Variants in NFATC1 observed in about 807,000 individuals in gnomAD.
The protein encoded by NFATC1 is nuclear factor of activated T cells 1.
A neutral mutation model predicts 76.0 loss-of-function variants in NFATC1; 22 were observed. The observed-to-expected ratio is 0.29, with a 90% CI of 0.21 to 0.41. The LOEUF (loss-of-function observed/expected upper bound fraction) is 0.41. Ranked by LOEUF, NFATC1 falls within the 10% of genes least tolerant of loss-of-function variation. NFATC1 has a pLI of 1.00. For missense variants in NFATC1, 1,357 were observed against 1,337.7 expected (o/e 1.01, Z -0.23); for synonymous variants, 704 against 613.1 (o/e 1.15, Z -2.19).
chr18:79,461,476 T>C (rs2088092580), intron 7 of NFATC1, 110 bp downstream of exon 7: 42 of 683,018 alleles, frequency 6.1e-5, no homozygotes, highest in Non-Finnish European at 7.8e-5. Flanking sequence ...GGGGTTCCTG[T>C]TTCTTAGAAT....
intron 1 of NFATC1, among the ~76,000 whole-genome samples, chr18:79,399,940 C>T (rs1405391864): frequency 3.9e-5 from 6 of 152,040 alleles, no homozygotes; most frequent in Non-Finnish European, 7.4e-5. Context: ...CAGCCGCTTT[C>T]CCGAGGAGGC....
At chr18:79,486,044 C>T (rs932633951) in intron 8 of NFATC1, among the ~76,000 whole-genome samples, 1 of 152,200 alleles carries the variant, frequency 6.6e-6, no homozygotes, top group Non-Finnish European at 1.5e-5. Context: ...GGAAAACAGT[C>T]CTCGCCAGTA....
chr18:79,407,053 G>C (rs2085467736), intron 1 of NFATC1, among the ~76,000 whole-genome samples: 1 of 152,248 alleles, frequency 6.6e-6, no homozygotes, highest in Admixed American at 6.5e-5. Context: ...GGAGCTCTCA[G>C]AGGGCTACAG....
intron 3 of NFATC1, among the ~76,000 whole-genome samples, chr18:79,444,681 G>A (rs555790407): frequency 1.3e-5 from 2 of 151,606 alleles, no homozygotes; most frequent in African/African-American, 2.4e-5. Flanking sequence ...GGGCACCCAC[G>A]TGCCCGACCC....
chr18:79,425,041 CTCTCCG>C lies in NFATC1; in HGVS notation c.1227-8533_1227-8528del, dbSNP rs1568944216. On this transcript the variant is annotated intron_variant, in intron 2 of 9. Transcript: ENST00000427363. ...TCTGTCTCCATCTCTCTCCATCTCT[CTCTCCG>C]TCTCTGTTTCTCTCTCTGTTTCTCT... Among the ~76,000 whole-genome samples the C allele has an allele frequency of 1.7e-3, 246 of 147,894 alleles. 3 individuals carry two copies. Among genetic ancestry groups the C allele is most frequent in the Admixed American group, 7.8e-3 (117 of 15,080 alleles).
intron 2 of NFATC1, among the ~76,000 whole-genome samples, chr18:79,430,590 C>T (rs1237553891): frequency 6.6e-6 from 1 of 152,224 alleles, no homozygotes; most frequent in Non-Finnish European, 1.5e-5. Context: ...ACCCTGTTGG[C>T]CAGGATGGTC....
At position 79,411,187 on chromosome 18, in the gene NFATC1, C is replaced by T; in HGVS notation, c.912C>T (p.Thr304=). 1 of 1,611,372 alleles carries T rather than the reference C, an allele frequency of 6.2e-7. No homozygotes were observed. Among genetic ancestry groups the T allele is most frequent in the East Asian group, 2.2e-5 (1 of 44,864 alleles). The change falls in exon 2 of 10, where the codon ACC becomes ACT. Residue 304 remains threonine, a synonymous_variant. Transcript: ENST00000427363. ...SVTDDSWLGN[T]TQYTSSAIVA... is the part of the protein sequence containing the mutation. ...CCGACGACTCGTGGTTGGGCAACAC[C>T]ACCCAGTACACCAGCTCGGCCATCG...
At chr18:79,447,796 C>T (rs962296204) in intron 3 of NFATC1, among the ~76,000 whole-genome samples, 2 of 152,216 alleles carry the variant, frequency 1.3e-5, no homozygotes, top group South Asian at 2.1e-4. Flanking sequence ...TAAATGGTAG[C>T]GTTAAAGATA....
At chr18:79,414,611 A>G (rs2085813047) in intron 2 of NFATC1, among the ~76,000 whole-genome samples, 1 of 152,210 alleles carries the variant, frequency 6.6e-6, no homozygotes. Context: ...TGATAGTTTT[A>G]GAGTTTGGAG....
chr18:79,487,595 G>T (rs1178792566), intron 9 of NFATC1, among the ~76,000 whole-genome samples: 1 of 152,242 alleles, frequency 6.6e-6, no homozygotes, highest in African/African-American at 2.4e-5. Context: ...GTGGCCTCAC[G>T]TCTGTAGCCA....
rs141394889 is a variant in NFATC1 at position 79,523,273 on chromosome 18, G to T, written c.2783-4255G>T. On this transcript the variant is annotated intron_variant, in intron 9 of 9. Coordinates refer to ENST00000427363, the MANE Select transcript of NFATC1 (RefSeq NM_001278669.2). ...GTTGCTTCCAAGCCAGGCAGCAAGG[G>T]GGCAAAATATATCAAACAGCGTTCA... Among the ~76,000 whole-genome samples the T allele has an allele frequency of 3.1e-3, 476 of 152,326 alleles. 2 individuals are homozygous for T. Among genetic ancestry groups the T allele is most frequent in the African/African-American group, 0.011 (440 of 41,580 alleles).
At chr18:79,484,649 G>A (rs762072914) in intron 8 of NFATC1, among the ~76,000 whole-genome samples, 1 of 152,206 alleles carries the variant, frequency 6.6e-6, no homozygotes, top group Admixed American at 6.5e-5. Flanking sequence ...CAGCACAAAA[G>A]CAACAAAATG....
At chr18:79,400,661 C>G (rs1440454582) in intron 1 of NFATC1, among the ~76,000 whole-genome samples, 14 of 128,702 alleles carry the variant, frequency 1.1e-4, no homozygotes, top group Non-Finnish European at 2.0e-4. Context: ...TGCGGTTCCT[C>G]CGAGCGCTCG....
At chr18:79,430,505 C>T (rs950676058) in intron 2 of NFATC1, among the ~76,000 whole-genome samples, 1 of 152,212 alleles carries the variant, frequency 6.6e-6, no homozygotes, top group Non-Finnish European at 1.5e-5. Flanking sequence ...GCTTCACCCT[C>T]CCAAGTGGCT....
chr18:79,488,284 G>T (rs1263898380), intron 9 of NFATC1, among the ~76,000 whole-genome samples: 1 of 127,292 alleles, frequency 7.9e-6, no homozygotes, highest in Non-Finnish European at 1.5e-5. Flanking sequence ...GTCCCATGGA[G>T]CCCGCAGCCC....
intron 7 of NFATC1, 71 bp downstream of exon 7, chr18:79,461,437 C>T: frequency 3.9e-6 from 6 of 1,534,890 alleles, no homozygotes; most frequent in Non-Finnish European, 5.4e-6. Context: ...CTGCTGGAGC[C>T]ACTGCGGGTC....
rs375656264 is a variant in NFATC1 at position 79,486,241 on chromosome 18, C to A, written c.2093-7C>A. The A allele has an allele frequency of 6.3e-7, 1 of 1,580,406 alleles. No individual in the cohort carries two copies. The highest frequency in any genetic ancestry group is 8.6e-7 in the Non-Finnish European group (1 of 1,161,828). Reference sequence around the variant, plus strand: ...TGTTTATTTAATTTTTTTTTTCCTTCTCACAGTTCCAATTATAAAAACAGA... The same window carrying A: ...TGTTTATTTAATTTTTTTTTTCCTTATCACAGTTCCAATTATAAAAACAGA... On this transcript the variant is annotated splice_region_variant and splice_polypyrimidine_tract_variant and intron_variant, in intron 8 of 9. Coordinates refer to ENST00000427363, the MANE Select transcript of NFATC1 (RefSeq NM_001278669.2).
chr18:79,435,048 T>C (rs2086724363), intron 3 of NFATC1, among the ~76,000 whole-genome samples: 1 of 152,154 alleles, frequency 6.6e-6, no homozygotes, highest in South Asian at 2.1e-4. Context: ...GGCCTGCACC[T>C]CCCCATCCCT....
intron 3 of NFATC1, among the ~76,000 whole-genome samples, chr18:79,440,528 C>G (rs1381769226): frequency 6.6e-6 from 1 of 152,238 alleles, no homozygotes; most frequent in Non-Finnish European, 1.5e-5. Context: ...GCCCTGCTTC[C>G]CCGCAGACAC....
Sources: allele counts gnomAD v4.1 joint callset (sites outside exome capture counted in the v4.1 genomes callset), GRCh38; gene constraint gnomAD v4.1.1; transcripts MANE v1.5; gene names NCBI Gene and HGNC (gene_info 2026-07-23, HGNC 2026-07-21).